TIGAR: variants seen among roughly 807,000 people sequenced by gnomAD.
TIGAR encodes fructose-2,6-bisphosphatase TIGAR.
TIGAR carries 7 observed loss-of-function variants against 17.9 expected under a neutral mutation model. The ratio of observed to expected loss-of-function variants is 0.39; its 90% CI spans 0.22 to 0.73. The LOEUF is 0.73. TIGAR is among the 30% of genes least tolerant of loss of function. The pLI is 0.42. For missense variants in TIGAR, 258 were observed against 327.4 expected, an observed-to-expected ratio of 0.79 and a Z score of 1.64; for synonymous variants, 94 against 108.6, an observed-to-expected ratio of 0.87 and a Z score of 0.84.
chr12:4,345,463 C>A (rs1310997064), intron 3 of TIGAR, among the ~76,000 whole-genome samples: 1 of 152,186 alleles, frequency 6.6e-6, no homozygotes, highest in Non-Finnish European at 1.5e-5. Flanking sequence ...CACACATCTA[C>A]AACTATCTGA....
At position 4,357,605 on chromosome 12, in the gene TIGAR, G is replaced by A. The variant is rs544033412; in HGVS notation, c.*4914G>A. 8.1e-4 allele frequency among the ~76,000 whole-genome samples: 123 copies of A among 152,244 alleles called. No individual in the cohort carries two copies. The highest frequency in any genetic ancestry group is 2.9e-3 in the African/African-American group (121 of 41,540). ...TCCAAACAAGATGGCTAAGTAGGTCGTCATGACAGGTAACTACCAGTGCTT... is the reference window on the plus strand; with the variant it reads ...TCCAAACAAGATGGCTAAGTAGGTCATCATGACAGGTAACTACCAGTGCTT... On this transcript the variant is annotated 3_prime_UTR_variant, in exon 6 of 6. Transcript: ENST00000179259.
intron 1 of TIGAR, among the ~76,000 whole-genome samples, chr12:4,326,199 A>C (rs1864544538): frequency 6.6e-6 from 1 of 152,232 alleles, no homozygotes; most frequent in Non-Finnish European, 1.5e-5. Context: ...ACCACACTGC[A>C]GATTTTGAAA....
intron 5 of TIGAR, among the ~76,000 whole-genome samples, 153 bp downstream of exon 5, chr12:4,351,530 A>G (rs1300442609): frequency 1.3e-5 from 2 of 152,162 alleles, no homozygotes; most frequent in East Asian, 3.8e-4. Flanking sequence ...TTCTATTTAA[A>G]ATCTTATTTA....
intron 1 of TIGAR, among the ~76,000 whole-genome samples, chr12:4,325,511 C>A (rs184271415): frequency 6.6e-6 from 1 of 151,836 alleles, no homozygotes; most frequent in South Asian, 2.1e-4. Context: ...GAGGCCGAGG[C>A]GGGTGGATCA....
chr12:4,329,355 G>A (rs1376577827), intron 1 of TIGAR, among the ~76,000 whole-genome samples: 1 of 10,452 alleles, frequency 9.6e-5, no homozygotes, highest in Non-Finnish European at 2.5e-4. Flanking sequence ...TTTTTTTTTT[G>A]TGAGACAGGG....
intron 3 of TIGAR, among the ~76,000 whole-genome samples, chr12:4,340,368 A>G (rs1298309126): frequency 6.6e-6 from 1 of 152,236 alleles, no homozygotes; most frequent in Non-Finnish European, 1.5e-5. Context: ...CACAAGGAAA[A>G]CTATAAGACA....
At chr12:4,326,081 A>G (rs747326613) in intron 1 of TIGAR, among the ~76,000 whole-genome samples, 1 of 152,246 alleles carries the variant, frequency 6.6e-6, no homozygotes, top group Non-Finnish European at 1.5e-5. Flanking sequence ...TAACCTACAA[A>G]ATGAATGATG....
rs578066067 is a variant in TIGAR, at chr12:4,321,962, A to G, written c.32+659A>G. Among the ~76,000 whole-genome samples, 4 of 152,100 alleles carry G rather than the reference A, an allele frequency of 2.6e-5. No homozygotes were observed. The highest frequency in any genetic ancestry group is 9.6e-5 in the African/African-American group (4 of 41,506). On this transcript the variant is annotated intron_variant, in intron 1 of 5. Transcript: ENST00000179259. This position sits in a 1 kb window ranked among gnomAD's most constrained non-coding sequence, Gnocchi z 5.2. ...TTTGCCAAGTGTTAACGGGAGGTGA[A>G]AATCAGGGTAGTTAAGAGCACAGAT...
rs189164497 is a variant in TIGAR at position 4,357,750 on chromosome 12, A to G, written c.*5059A>G. Among the ~76,000 whole-genome samples the G allele has an allele frequency of 6.1e-3, 925 of 152,240 alleles. 8 individuals carry two copies. Among genetic ancestry groups the G allele is most frequent in the African/African-American group, 0.022 (900 of 41,514 alleles). On this transcript the variant is annotated 3_prime_UTR_variant, in exon 6 of 6. Coordinates refer to ENST00000179259, the MANE Select transcript of TIGAR (RefSeq NM_020375.3). ...CAGGGCAGGGACACTGGAAAGATCT[A>G]TTGTCAGAAGGCCTGGATTCAGGTT...
chr12:4,333,956 T>C (rs1326235093), intron 2 of TIGAR, among the ~76,000 whole-genome samples: 1 of 152,174 alleles, frequency 6.6e-6, no homozygotes, highest in Admixed American at 6.5e-5. Context: ...TGGTCACTGA[T>C]GTGTTTCGAT....
intron 2 of TIGAR, among the ~76,000 whole-genome samples, chr12:4,332,166 C>T (rs1864609709): frequency 6.6e-6 from 1 of 151,258 alleles, no homozygotes; most frequent in Admixed American, 6.6e-5. Flanking sequence ...CTTTTCCTGA[C>T]CTTGTCAGTT....
At position 4,354,920 on chromosome 12, in the gene TIGAR, G is replaced by A. The variant is rs535397972; in HGVS notation, c.*2229G>A. On this transcript the variant is annotated 3_prime_UTR_variant, in exon 6 of 6. Coordinates refer to ENST00000179259, the MANE Select transcript of TIGAR (RefSeq NM_020375.3). ...CCTTTTTTTTTTTTTTAGTAGAGAC[G>A]GGGTTTCGCCATGTTGGCCAGGCTG... 8.5e-4 allele frequency among the ~76,000 whole-genome samples: 128 copies of A among 149,834 alleles called. 2 individuals carry two copies. The highest frequency in any genetic ancestry group is 3.0e-3 in the African/African-American group (123 of 40,690).
intron 5 of TIGAR, 90 bp downstream of exon 5, chr12:4,351,467 G>C (rs1490883231): frequency 1.0e-6 from 1 of 963,262 alleles, no homozygotes; most frequent in Non-Finnish European, 1.6e-6. Context: ...AAAGTTGCTT[G>C]GTTCATTCTC....
intron 3 of TIGAR, 35 bp downstream of exon 3, chr12:4,337,195 C>T (rs1480537026): frequency 1.2e-5 from 18 of 1,532,868 alleles, no homozygotes; most frequent in Non-Finnish European, 1.4e-5. Flanking sequence ...TGAGACAGAG[C>T]GTCACTCTAT....
At chr12:4,331,915 T>C (rs183466981) in intron 2 of TIGAR, among the ~76,000 whole-genome samples, 5 of 152,316 alleles carry the variant, frequency 3.3e-5, no homozygotes, top group Admixed American at 3.3e-4. Context: ...GCATTTAGTT[T>C]TATTTTTTTG....
At chr12:4,334,882 T>C (rs1591661190) in intron 2 of TIGAR, among the ~76,000 whole-genome samples, 1 of 152,218 alleles carries the variant, frequency 6.6e-6, no homozygotes, top group Non-Finnish European at 1.5e-5. Flanking sequence ...TCTCTGTAAC[T>C]TCCTTTAAAC....
At chr12:4,343,124 TC>T (rs1405434531) in intron 3 of TIGAR, among the ~76,000 whole-genome samples, 1 of 151,972 alleles carries the variant, frequency 6.6e-6, no homozygotes, top group African/African-American at 2.4e-5. Context: ...CCAGCAAAGA[TC>T]AGAAGAGACA....
chr12:4,336,446 G>GCACACACACACACACACACACACACA (rs10595001), intron 2 of TIGAR, among the ~76,000 whole-genome samples: 1 of 138,468 alleles, frequency 7.2e-6, no homozygotes, highest in African/African-American at 2.7e-5. Context: ...CAGCAATGCA[G>GCACACACACACACACACACACACACA]CACACACACA....
Position 4,356,530 on chromosome 12 carries a change from C to T in TIGAR, c.*3839C>T, listed in dbSNP as rs1864903759. ...TTGCTTCTCCTACTATCAACATCCC[C>T]CACCAGACCAGTGCATCTGTTACCA... On this transcript the variant is annotated 3_prime_UTR_variant, in exon 6 of 6. Coordinates refer to ENST00000179259, the MANE Select transcript of TIGAR (RefSeq NM_020375.3). Among the ~76,000 whole-genome samples, 1 of 152,114 alleles carries T rather than the reference C, an allele frequency of 6.6e-6. No individual in the cohort carries two copies. Among genetic ancestry groups the T allele is most frequent in the Admixed American group, 6.5e-5 (1 of 15,268 alleles).
Sources: gnomAD v4.1 joint callset for allele counts (sites outside exome capture counted in the v4.1 genomes callset) on GRCh38, gnomAD v4.1.1 for gene constraint, Gnocchi (gnomAD v3.1) non-coding constraint, MANE v1.5 for transcripts, NCBI Gene and HGNC (gene_info 2026-07-23, HGNC 2026-07-21) for gene names.